The following MISP variants were observed in gnomAD, a reference collection of about 807,000 sequenced individuals.
MISP encodes the protein mitotic interactor and substrate of PLK1.
A neutral mutation model predicts 49.3 loss-of-function variants in MISP; 51 were observed. The ratio of observed to expected loss-of-function variants is 1.03; its 90% CI spans 0.83 to 1.31. The LOEUF (loss-of-function observed/expected upper bound fraction) is 1.31. MISP is among the 50% of genes most tolerant of loss of function. The pLI is 0.00. For synonymous variants in MISP, 444 were observed against 392.6 expected, an observed-to-expected ratio of 1.13 and a Z score of -1.55; for missense variants, 1,084 against 935.1, an observed-to-expected ratio of 1.16 and a Z score of -2.08.
chr19:757,040 C>T lies in MISP; in HGVS notation c.94C>T (p.His32Tyr), dbSNP rs775871821. The change falls in exon 2 of 5, where the codon CAT (histidine) becomes TAT (tyrosine). Residue 32 changes from histidine (H) to tyrosine (Y), a missense_variant. Transcript: ENST00000215582. ...VLDGDTSYTY[H>Y]LVCMGPEASG... ...GGATGGAGACACCAGCTACACATACCATCTGGTGTGCATGGGCCCCGAGGC... is the reference window on the plus strand; with the variant it reads ...GGATGGAGACACCAGCTACACATACTATCTGGTGTGCATGGGCCCCGAGGC... 2 of 1,608,324 alleles carry T rather than the reference C, an allele frequency of 1.2e-6. No individual in the cohort carries two copies. Among genetic ancestry groups the T allele is most frequent in the Middle Eastern group, 1.7e-4 (1 of 6,046 alleles).
chr19:754,021 A>G (rs1568240462), intron 1 of MISP, among the ~76,000 whole-genome samples: 2 of 152,154 alleles, frequency 1.3e-5, no homozygotes, highest in Admixed American at 6.5e-5. Flanking sequence ...TTCCTCAACT[A>G]TGAAAGATGA....
At chr19:749,583 C>T (rs1045497284), upstream of MISP, among the ~76,000 whole-genome samples, 1 of 152,336 alleles carries the variant, frequency 6.6e-6, no homozygotes, top group African/African-American at 2.4e-5. Flanking sequence ...GTAATCCCAG[C>T]ACTTTGGGAG....
At position 759,961 on chromosome 19, in the gene MISP, C is replaced by T. The variant is rs775111216; in HGVS notation, c.1833C>T (p.His611=). 6.8e-6 allele frequency: 11 copies of T among 1,614,014 alleles called. No individual in the cohort carries two copies. Among genetic ancestry groups the T allele is most frequent in the South Asian group, 2.2e-5 (2 of 91,092 alleles). The change falls in exon 3 of 5, where the codon CAC becomes CAT. Residue 611 remains histidine, a synonymous_variant. Coordinates refer to ENST00000215582, the MANE Select transcript of MISP (RefSeq NM_173481.4). ...VSESPFFSPI[H]LHSNVAWTVE... ...AGTCTCCCTTCTTCAGCCCCATCCA[C>T]CTACACTCAAACGTGGCGTGGACAG...
At chr19:754,799 G>C (rs138410950) in intron 1 of MISP, among the ~76,000 whole-genome samples, 5 of 152,142 alleles carry the variant, frequency 3.3e-5, no homozygotes, top group Admixed American at 2.0e-4. Flanking sequence ...TCGAGACAGA[G>C]AGAGCTGCAG....
chr19:749,430 G>A (rs1160135077), upstream of MISP, among the ~76,000 whole-genome samples: 7 of 151,200 alleles, frequency 4.6e-5, no homozygotes, highest in Non-Finnish European at 8.8e-5. Flanking sequence ...GGCGGGAGGC[G>A]GCGGTGGGAG....
intron 4 of MISP, among the ~76,000 whole-genome samples, chr19:762,321 C>T (rs936076328): frequency 2.6e-5 from 4 of 151,426 alleles, no homozygotes; most frequent in Non-Finnish European, 4.4e-5. Flanking sequence ...GGCTTGACCT[C>T]GGCTCACTGC....
Position 760,054 on chromosome 19 carries a change from C to G in MISP, c.1911+15C>G. On this transcript the variant is annotated intron_variant, in intron 3 of 4. Transcript: ENST00000215582. Reference sequence around the variant, plus strand: ...AGGAGCAATGGGTGAGTCTGGAACCCGTCTCTGCAGAGGCCAGGCTGAGGT... The same window carrying G: ...AGGAGCAATGGGTGAGTCTGGAACCGGTCTCTGCAGAGGCCAGGCTGAGGT... 1 of 1,613,094 alleles carries G rather than the reference C, an allele frequency of 6.2e-7. No individual in the cohort carries two copies. The highest frequency in any genetic ancestry group is 8.5e-7 in the Non-Finnish European group (1 of 1,179,458).
chr19:758,804 T>C (rs2033624853), intron 2 of MISP, 78 bp downstream of exon 2: 3 of 1,272,846 alleles, frequency 2.4e-6, no homozygotes, highest in Non-Finnish European at 3.3e-6. Context: ...GGAGGTGGAG[T>C]TTGAGGCTGT....
At chr19:752,949 G>A (rs1190210123) in intron 1 of MISP, among the ~76,000 whole-genome samples, 4 of 152,256 alleles carry the variant, frequency 2.6e-5, no homozygotes, top group Non-Finnish European at 5.9e-5. Context: ...CTGAGCAGCT[G>A]GGATGAGTGG....
Position 757,415 on chromosome 19 carries a change from A to G in MISP, c.469A>G (p.Thr157Ala). The change falls in exon 2 of 5, where the codon ACC (threonine) becomes GCC (alanine). Residue 157 changes from threonine to alanine, a missense_variant. Thr to Ala is a moderately conservative substitution (Grantham distance 58). Transcript: ENST00000215582. ...GGGCCAGGCAGTCAGGAAGAGCAGC[A>G]CCGTGGCCACGCTCCAGGGCACTCC... ...IQGQAVRKSS[T>A]VATLQGTPDH... The G allele has an allele frequency of 1.9e-6, 3 of 1,601,560 alleles. No individual in the cohort carries two copies. The highest frequency in any genetic ancestry group is 2.6e-6 in the Non-Finnish European group (3 of 1,174,870).
Position 761,606 on chromosome 19 carries a change from T to C in MISP, c.1912-19T>C. ...GCAGGGCAGAAAGGCCTGGGCTGAC[T>C]TGTGTTCCTTTCCTGTAGTACGCTG... On this transcript the variant is annotated intron_variant, in intron 3 of 4. Coordinates refer to ENST00000215582, the MANE Select transcript of MISP (RefSeq NM_173481.4). 6.2e-7 allele frequency: 1 copy of C among 1,613,964 alleles called. No individual in the cohort carries two copies. Among genetic ancestry groups the C allele is most frequent in the Non-Finnish European group, 8.5e-7 (1 of 1,179,940 alleles).
Position 758,635 on chromosome 19 carries a change from G to A in MISP, c.1689G>A (p.Glu563=), listed in dbSNP as rs1382149468. The A allele has an allele frequency of 6.2e-7, 1 of 1,614,240 alleles. No homozygotes were observed. Among genetic ancestry groups the A allele is most frequent in the Admixed American group, 1.7e-5 (1 of 60,026 alleles). Residue 563 remains glutamate, a synonymous_variant, in exon 2 of 5, where the codon GAG becomes GAA. Coordinates refer to ENST00000215582, the MANE Select transcript of MISP (RefSeq NM_173481.4). The stretch of plus-strand genomic sequence containing the variant: ...TGCGCCGGGAGCAAGAGGTGGCAGA[G>A]GAGCGGAGAAATGCTCTCTTCCCAG... ...SVLRREQEVA[E]ERRNALFPEV... is the part of the protein sequence containing the mutation.
In MISP at chr19:758,851, T is replaced by A. The variant is rs559704453; in HGVS notation, c.1780+125T>A. The A allele has an allele frequency of 8.2e-4, 578 of 702,012 alleles. 2 individuals are homozygous for A. Among genetic ancestry groups the A allele is most frequent in the Non-Finnish European group, 1.1e-3 (473 of 424,574 alleles). 43.5% of individuals were successfully genotyped at this position (702,012 alleles called of 1,614,324 possible). Reference sequence around the variant, plus strand: ...GGTTGGGGAGACATTGCCTCCTGACTGTTCATCCCCTCAGTCGCTGGTTTG... The same window carrying A: ...GGTTGGGGAGACATTGCCTCCTGACAGTTCATCCCCTCAGTCGCTGGTTTG... On this transcript the variant is annotated intron_variant, in intron 2 of 4. Coordinates refer to ENST00000215582, the MANE Select transcript of MISP (RefSeq NM_173481.4).
chr19:751,463 C>T (rs1250742242), intron 1 of MISP, among the ~76,000 whole-genome samples: 1 of 152,208 alleles, frequency 6.6e-6, no homozygotes, highest in Non-Finnish European at 1.5e-5. Flanking sequence ...TCCCAGAGCC[C>T]TCCAAGGGAG....
intron 3 of MISP, 124 bp downstream of exon 3, chr19:760,163 G>A (rs1376707168): frequency 1.6e-5 from 18 of 1,100,196 alleles, no homozygotes; most frequent in East Asian, 1.3e-4. Context: ...ACCCCTGGCC[G>A]TGCCTCAGTC....
At chr19:758,762 A>G (rs2033624212) in intron 2 of MISP, 36 bp downstream of exon 2, 2 of 1,565,952 alleles carry the variant, frequency 1.3e-6, no homozygotes, top group Non-Finnish European at 1.7e-6. Flanking sequence ...TGCTTGGCTC[A>G]GGGTCTCAGA....
At chr19:763,463 G>A (rs747939037) in intron 4 of MISP, 38 bp from the exon 5 acceptor site, 1 of 1,477,756 alleles carries the variant, frequency 6.8e-7, no homozygotes, top group South Asian at 1.1e-5. Context: ...GGGTGTGGTA[G>A]GACCTGGATC....
Position 758,497 on chromosome 19 carries a change from C to T in MISP, c.1551C>T (p.Pro517=), listed in dbSNP as rs147465420. The change falls in exon 2 of 5, where the codon CCC becomes CCT. Residue 517 remains proline (P), a synonymous_variant. Coordinates refer to ENST00000215582, the MANE Select transcript of MISP (RefSeq NM_173481.4). ...RPLRFRAPDE[P]QQAQVPHVWG... is the part of the protein sequence containing the mutation. ...TGCGGTTCAGGGCCCCAGACGAGCC[C>T]CAGCAGGCCCAAGTCCCCCATGTCT... The T allele has an allele frequency of 8.8e-4, 1,426 of 1,614,106 alleles. 23 individuals carry two copies. The East Asian group carries it at 0.027, about 30-fold the overall frequency.
At chr19:754,146 G>A (rs544837712) in intron 1 of MISP, among the ~76,000 whole-genome samples, 9 of 152,072 alleles carry the variant, frequency 5.9e-5, no homozygotes, top group African/African-American at 9.6e-5. Context: ...GGTGAAACCC[G>A]TCTCTACTAA....
Sources: allele counts gnomAD v4.1 joint callset (sites outside exome capture counted in the v4.1 genomes callset), GRCh38; gene constraint gnomAD v4.1.1; transcripts MANE v1.5; gene names NCBI Gene and HGNC (gene_info 2026-07-23, HGNC 2026-07-21).